FBXO17: variants seen among roughly 807,000 people sequenced by gnomAD.
FBXO17 encodes F-box only protein 17.
A neutral mutation model predicts 34.1 loss-of-function variants in FBXO17; 43 were observed. The observed-to-expected ratio is 1.26, with a 90% CI of 0.99 to 1.62. The LOEUF (loss-of-function observed/expected upper bound fraction) is 1.62, where lower values mean the gene tolerates loss of function less well. Ranked by LOEUF, FBXO17 falls within the 40% of genes most tolerant of loss-of-function variation. The pLI, the probability that FBXO17 is intolerant of heterozygous loss-of-function variation, is 0.00. For synonymous variants in FBXO17, 169 were observed against 166.0 expected (o/e 1.02, Z -0.14); for missense variants, 424 against 386.7 (o/e 1.10, Z -0.81).
chr19:38,960,131 C>T (rs889415930), intron 1 of FBXO17, among the ~76,000 whole-genome samples: 2 of 152,162 alleles, frequency 1.3e-5, no homozygotes, highest in African/African-American at 4.8e-5. Context: ...ATCTCCTCAG[C>T]AGATTCTCAA....
chr19:38,955,040 C>T (rs918363855), intron 1 of FBXO17, among the ~76,000 whole-genome samples: 8 of 151,662 alleles, frequency 5.3e-5, no homozygotes, highest in African/African-American at 1.9e-4. Flanking sequence ...ACGCCATTCT[C>T]CTGCCTCAGC....
intron 1 of FBXO17, among the ~76,000 whole-genome samples, chr19:38,962,635 C>A (rs1017139615): frequency 6.6e-6 from 1 of 152,138 alleles, no homozygotes; most frequent in African/African-American, 2.4e-5. Context: ...CAGCCTGGGG[C>A]TCTCATCTTT....
chr19:38,948,792 T>C (rs1235113687), intron 2 of FBXO17, 114 bp from the exon 3 acceptor site: 4 of 810,946 alleles, frequency 4.9e-6, no homozygotes, highest in Non-Finnish European at 8.0e-6. Flanking sequence ...GCTCCAATCC[T>C]CCCTGGTTTC....
intron 1 of FBXO17, among the ~76,000 whole-genome samples, chr19:38,964,871 G>C (rs1427312071): frequency 6.6e-6 from 1 of 152,110 alleles, no homozygotes; most frequent in Admixed American, 6.6e-5. Flanking sequence ...CCGGGAGTGA[G>C]CTCCCAGCAC....
intron 1 of FBXO17, among the ~76,000 whole-genome samples, chr19:38,970,293 C>T (rs56809046): frequency 0.045 from 6,835 of 152,052 alleles, 489 homozygotes; most frequent in African/African-American, 0.15. Context: ...CTGCAGCCTC[C>T]AATTTCTGGA....
chr19:38,945,183 G>T (rs1447235285), intron 4 of FBXO17, 79 bp from the exon 5 acceptor site: 1 of 1,566,796 alleles, frequency 6.4e-7, no homozygotes. Flanking sequence ...CTGAGGGCTG[G>T]CTCCATCTTG....
chr19:38,954,336 T>G (rs1177721993), intron 1 of FBXO17, among the ~76,000 whole-genome samples: 1 of 148,532 alleles, frequency 6.7e-6, no homozygotes, highest in Non-Finnish European at 1.5e-5. Flanking sequence ...GTGGCGCGAT[T>G]TCAGCTCACT....
At chr19:38,956,912 T>C (rs987803670) in intron 1 of FBXO17, among the ~76,000 whole-genome samples, 3 of 152,128 alleles carry the variant, frequency 2.0e-5, no homozygotes, top group Non-Finnish European at 2.9e-5. Context: ...TTAAAAATGA[T>C]GTGTCATAAT....
chr19:38,967,106 C>T (rs1975331181), intron 1 of FBXO17, among the ~76,000 whole-genome samples: 1 of 152,140 alleles, frequency 6.6e-6, no homozygotes, highest in African/African-American at 2.4e-5. Context: ...TCTGATAAAG[C>T]ACTTGTGTAT....
At chr19:38,950,374 G>T in intron 1 of FBXO17, 38 bp from the exon 2 acceptor site, 1 of 1,392,536 alleles carries the variant, frequency 7.2e-7, no homozygotes, top group South Asian at 1.6e-5. Flanking sequence ...GGTCAGCGCA[G>T]CCAGGCCACC....
intron 1 of FBXO17, among the ~76,000 whole-genome samples, chr19:38,974,035 T>TATATATATATATATATAC (rs1568447811): frequency 2.1e-4 from 13 of 62,944 alleles, no homozygotes; most frequent in African/African-American, 6.2e-4. Context: ...TATATATACA[T>TATATATATATATATATAC]ATATATATAT....
chr19:38,954,503 C>G (rs1975133277), intron 1 of FBXO17, among the ~76,000 whole-genome samples: 1 of 150,108 alleles, frequency 6.7e-6, no homozygotes, highest in African/African-American at 2.5e-5. Context: ...CTCCCGAACT[C>G]AGGTAATCCA....
intron 1 of FBXO17, among the ~76,000 whole-genome samples, chr19:38,954,578 G>T (rs78824889): frequency 0.094 from 8,829 of 93,476 alleles, 432 homozygotes; most frequent in East Asian, 0.31. Context: ...CCGAGAATGT[G>T]TTTTTTTTTT....
chr19:38,950,117 C>T lies in FBXO17; in HGVS notation c.203G>A (p.Ser68Asn). 6.4e-7 allele frequency: 1 copy of T among 1,561,468 alleles called. No homozygotes were observed. Among genetic ancestry groups the T allele is most frequent in the Non-Finnish European group, 8.6e-7 (1 of 1,156,588 alleles). Residue 68 changes from serine to asparagine, a missense_variant, in exon 2 of 6, where the codon AGC (serine) becomes AAC (asparagine). Coordinates refer to ENST00000292852, the MANE Select transcript of FBXO17 (RefSeq NM_024907.7). ...TGCGTAGAGTGCGCGGCCCTCGGCG[C>T]TGCGGTCGCGGGCCAGCTGCAGCAG... ...VWLLQLARDR[S>N]AEGRALYAVA...
chr19:38,944,527 A>G lies in FBXO17; in HGVS notation c.693+442T>C, dbSNP rs537615827. ...CTAAAGTGGTGGGATTACAGGTATG[A>G]GCCACTGTGCCCAGCCGAAACATTT... On this transcript the variant is annotated intron_variant, in intron 5 of 5. Transcript: ENST00000292852. Among the ~76,000 whole-genome samples, 48 of 152,300 alleles carry G rather than the reference A, an allele frequency of 3.2e-4. No individual in the cohort carries two copies. The South Asian group carries it at 9.5e-3, about 30-fold the overall frequency.
chr19:38,971,522 G>A (rs770052442), intron 1 of FBXO17, among the ~76,000 whole-genome samples: 2 of 152,120 alleles, frequency 1.3e-5, no homozygotes. Context: ...TGTGGCTCAC[G>A]CTTGTAATCC....
chr19:38,945,011 T>C lies in FBXO17; in HGVS notation c.651A>G (p.Ser217=). 6.2e-7 allele frequency: 1 copy of C among 1,613,826 alleles called. No homozygotes were observed. The highest frequency in any genetic ancestry group is 1.1e-5 in the South Asian group (1 of 91,072). ...CAGTCCACTGAAGGACCGGGTCAGG[T>C]GAGGCTGAGAACTTGACCACTTCCT... The part of the protein sequence containing the change: ...YEKEVVKFSA[S]PDPVLQWTER... Residue 217 remains serine (S), a synonymous_variant, in exon 5 of 6, where the codon TCA becomes TCG. Coordinates refer to ENST00000292852, the MANE Select transcript of FBXO17 (RefSeq NM_024907.7).
chr19:38,955,449 C>T (rs1975153312), intron 1 of FBXO17, among the ~76,000 whole-genome samples: 1 of 150,584 alleles, frequency 6.6e-6, no homozygotes, highest in South Asian at 2.1e-4. Context: ...CCAGTATTTT[C>T]TGCTTCCATT....
chr19:38,956,364 T>A (rs1229370047), intron 1 of FBXO17, among the ~76,000 whole-genome samples: 1 of 152,076 alleles, frequency 6.6e-6, no homozygotes, highest in Non-Finnish European at 1.5e-5. Context: ...AAACCTTAAT[T>A]TGTTTAAAAA....
Sources: allele counts gnomAD v4.1 joint callset (sites outside exome capture counted in the v4.1 genomes callset), GRCh38; gene constraint gnomAD v4.1.1; transcripts MANE v1.5; gene names NCBI Gene and HGNC (gene_info 2026-07-23, HGNC 2026-07-21).